NCOR1: variants seen among roughly 807,000 people sequenced by gnomAD.
NCOR1 encodes protein phosphatase 1, regulatory subunit 109.
NCOR1 carries 63 observed loss-of-function variants against 288.1 expected under a neutral mutation model. The observed-to-expected ratio is 0.22, with a 90% CI of 0.18 to 0.27. The LOEUF is 0.27. NCOR1 is among the 10% of genes least tolerant of loss of function. The pLI is 1.00. For synonymous variants in NCOR1, 1,007 were observed against 1,065.9 expected, an observed-to-expected ratio of 0.94 and a Z score of 1.08; for missense variants, 2,397 against 3,019.2, an observed-to-expected ratio of 0.79 and a Z score of 4.83.
chr17:16,043,519 C>A (rs2058114223), intron 42 of NCOR1, among the ~76,000 whole-genome samples: 1 of 152,188 alleles, frequency 6.6e-6, no homozygotes, highest in South Asian at 2.1e-4. Flanking sequence ...AGAATAGAGA[C>A]CATGTGGCAT....
At chr17:16,059,044 C>A (rs1195967100) in intron 37 of NCOR1, among the ~76,000 whole-genome samples, 1 of 112,864 alleles carries the variant, frequency 8.9e-6, no homozygotes, top group Non-Finnish European at 1.7e-5. Flanking sequence ...AGCGAAACTC[C>A]GTCTCAAAAA....
chr17:16,182,411 G>A (rs1376596764), intron 3 of NCOR1, among the ~76,000 whole-genome samples: 1 of 151,940 alleles, frequency 6.6e-6, no homozygotes, highest in East Asian at 1.9e-4. Flanking sequence ...AACACTCAGG[G>A]CCTAAAATCA....
At chr17:16,179,443 GAAC>G (rs1291145992) in intron 3 of NCOR1, among the ~76,000 whole-genome samples, 3 of 151,974 alleles carry the variant, frequency 2.0e-5, no homozygotes, top group Admixed American at 6.6e-5. Context: ...CTGAACAAAC[GAAC>G]AACAAATGAA....
chr17:16,061,942 T>C (rs759735189), intron 36 of NCOR1, 48 bp from the exon 37 acceptor site: 3 of 1,568,788 alleles, frequency 1.9e-6, no homozygotes, highest in Non-Finnish European at 1.7e-6. Context: ...GACCATTTGC[T>C]GGGAATGTGG....
At chr17:16,040,860 C>A in intron 42 of NCOR1, 2 of 205,306 alleles carry the variant, frequency 9.7e-6, no homozygotes, top group Admixed American at 5.5e-5. Context: ...TGAGACTCTC[C>A]CATCTGTTTA....
At chr17:16,055,280 C>T (rs1294919674) in intron 40 of NCOR1, among the ~76,000 whole-genome samples, 1 of 152,192 alleles carries the variant, frequency 6.6e-6, no homozygotes, top group Non-Finnish European at 1.5e-5. Context: ...AACCCAAATG[C>T]CCATCAGTGA....
chr17:16,173,912 C>A (rs1173109774), intron 3 of NCOR1, among the ~76,000 whole-genome samples: 1 of 150,776 alleles, frequency 6.6e-6, no homozygotes, highest in Non-Finnish European at 1.5e-5. Flanking sequence ...GCAGGGGCAA[C>A]AAGAGCGAAA....
intron 21 of NCOR1, among the ~76,000 whole-genome samples, chr17:16,092,638 CA>C (rs1443655820): frequency 9.0e-6 from 1 of 111,608 alleles, no homozygotes; most frequent in Non-Finnish European, 1.8e-5. Flanking sequence ...CACCAGGGAT[CA>C]GATCCATTTA....
Position 16,032,423 on chromosome 17 carries a change from G to A in NCOR1, c.7196C>T (p.Thr2399Ile), listed in dbSNP as rs1170194358. 6.2e-7 allele frequency: 1 copy of A among 1,614,020 alleles called. No homozygotes were observed. Among genetic ancestry groups the A allele is most frequent in the Admixed American group, 1.7e-5 (1 of 60,002 alleles). The change falls in exon 46 of 46, where the codon ACA (threonine) becomes ATA (isoleucine). Residue 2399 changes from threonine (T) to isoleucine (I), a missense_variant. Thr to Ile is a moderately conservative substitution (Grantham distance 89). This residue lies in a region of NCOR1 where 1,872 missense variants were observed against 2,187.8 expected (regional missense o/e 0.86). Coordinates refer to ENST00000268712, the MANE Select transcript of NCOR1 (RefSeq NM_006311.4). ...CGCAGAGGGAGCACATGCAATCGGT[G>A]TTGGTGGAGTACTGCTGAGCATCCG... is the stretch of plus-strand genomic sequence containing the variant. Reference protein sequence around the residue: ...TMRMLSSTPPTPIACAPSAVN... With the variant: ...TMRMLSSTPPIPIACAPSAVN...
chr17:16,102,539 T>G (rs2067825569), intron 19 of NCOR1, among the ~76,000 whole-genome samples: 1 of 152,134 alleles, frequency 6.6e-6, no homozygotes, highest in African/African-American at 2.4e-5. Flanking sequence ...TTATTTTTCC[T>G]TTTTTTGGGT....
At chr17:16,058,138 A>T (rs1260952257) in intron 38 of NCOR1, 74 bp from the exon 39 acceptor site, 1 of 1,502,104 alleles carries the variant, frequency 6.7e-7, no homozygotes, top group Non-Finnish European at 9.2e-7. Flanking sequence ...ATTAAATATA[A>T]TTCAGAAGAA....
At chr17:16,079,179 G>A (rs1364283308) in intron 26 of NCOR1, among the ~76,000 whole-genome samples, 1 of 152,206 alleles carries the variant, frequency 6.6e-6, no homozygotes, top group African/African-American at 2.4e-5. Flanking sequence ...TTGGGTTTCA[G>A]TAAATCTGGG....
chr17:16,044,698 T>G, intron 42 of NCOR1: 2 of 692,738 alleles, frequency 2.9e-6, no homozygotes, highest in African/African-American at 1.8e-5. Flanking sequence ...TCACGGAGGA[T>G]AAGATCAATG....
At chr17:16,080,101 C>T in intron 25 of NCOR1, 37 bp from the exon 26 acceptor site, 1 of 1,550,414 alleles carries the variant, frequency 6.4e-7, no homozygotes, top group Non-Finnish European at 8.9e-7. Flanking sequence ...ATTACACCCC[C>T]AGCCCCTGCC....
Position 16,185,295 on chromosome 17 carries a change from T to C in NCOR1, c.242+1259A>G, listed in dbSNP as rs1291873193. 2.0e-5 allele frequency among the ~76,000 whole-genome samples: 3 copies of C among 152,260 alleles called. No individual in the cohort carries two copies. In the East Asian group the frequency reaches 5.8e-4, roughly 29 times the overall value. On this transcript the variant is annotated intron_variant, in intron 3 of 45. Transcript: ENST00000268712. ...AAAAATAAATAACTTTGTGAGATGA[T>C]GGATATGCTAATTTGCTTCACCATA...
At chr17:16,136,311 A>G (rs1024784695) in intron 14 of NCOR1, among the ~76,000 whole-genome samples, 4 of 152,010 alleles carry the variant, frequency 2.6e-5, no homozygotes, top group Non-Finnish European at 2.9e-5. Flanking sequence ...TCAGCCTCCC[A>G]TGTATCTAGG....
rs2153466145 is a variant in NCOR1, at chr17:16,171,957, G to A, written c.281C>T (p.Pro94Leu). 1 of 1,602,238 alleles carries A rather than the reference G, an allele frequency of 6.2e-7. No homozygotes were observed. Among genetic ancestry groups the A allele is most frequent in the Non-Finnish European group, 8.5e-7 (1 of 1,175,298 alleles). Residue 94 changes from proline (P) to leucine (L), a missense_variant, in exon 4 of 46, where the codon CCA becomes CTA. Physicochemically the swap from Pro to Leu is moderately conservative, Grantham distance 98. Transcript: ENST00000268712. ...ERRTSYEPFH[P>L]GPSPVDHDSL... ...ATCATGATCCACTGGGGATGGGCCT[G>A]GATGAAACGGTTCATAACTAGTTCT...
chr17:16,139,029 T>G lies in NCOR1; in HGVS notation c.1331A>C (p.Glu444Ala). Residue 444 changes from glutamate (E) to alanine (A), a missense_variant, in exon 12 of 46, where the codon GAA (glutamate) becomes GCA (alanine). By Grantham distance (107) the Glu-to-Ala change is moderately radical. Coordinates refer to ENST00000268712, the MANE Select transcript of NCOR1 (RefSeq NM_006311.4). ...RQFMNVWTDH[E>A]KEIFKDKFIQ... ...TTACTTGTCCTTAAAGATCTCCTTT[T>G]CATGGTCAGTCCAAACATTCATAAA... The G allele has an allele frequency of 1.3e-6, 2 of 1,579,264 alleles. No homozygotes were observed. Among genetic ancestry groups the G allele is most frequent in the Non-Finnish European group, 1.7e-6 (2 of 1,160,590 alleles).
At chr17:16,075,407 A>G in intron 27 of NCOR1, 127 bp downstream of exon 27, 3 of 1,017,598 alleles carry the variant, frequency 2.9e-6, no homozygotes, top group South Asian at 3.2e-5. Context: ...AACCCCATTT[A>G]CTGAGAGAAA....
Sources: gnomAD v4.1 joint callset for allele counts (sites outside exome capture counted in the v4.1 genomes callset) on GRCh38, gnomAD v4.1.1 for gene constraint, gnomAD v4.1.1 regional missense constraint, MANE v1.5 for transcripts, NCBI Gene and HGNC (gene_info 2026-07-23, HGNC 2026-07-21) for gene names.